GMDS: variants seen among roughly 807,000 people sequenced by gnomAD.
GMDS encodes GDP-mannose 4,6-dehydratase.
A neutral mutation model predicts 49.9 loss-of-function variants in GMDS; 20 were observed. That is an observed-to-expected ratio of 0.40 (90% CI 0.28 to 0.58). The LOEUF (loss-of-function observed/expected upper bound fraction) is 0.58, where lower values mean the gene tolerates loss of function less well. Ranked by LOEUF, GMDS falls within the 20% of genes least tolerant of loss-of-function variation. The pLI, the probability that GMDS is intolerant of heterozygous loss-of-function variation, is 0.42. For missense variants in GMDS, 362 were observed against 481.4 expected (o/e 0.75, Z 2.32); for synonymous variants, 177 against 178.6 (o/e 0.99, Z 0.07).
intron 9 of GMDS, among the ~76,000 whole-genome samples, chr6:1,632,194 G>A (rs1159386447): frequency 6.6e-6 from 1 of 152,140 alleles, no homozygotes; most frequent in Non-Finnish European, 1.5e-5. Context: ...CACTCAATAG[G>A]ACAAAACCCT....
At chr6:1,723,576 G>A (rs145755412) in intron 9 of GMDS, among the ~76,000 whole-genome samples, 4,114 of 137,544 alleles carry the variant, frequency 0.03, 178 homozygotes, top group Admixed American at 0.093. Flanking sequence ...TGATCCACCC[G>A]CCTCGGCCTC....
intron 4 of GMDS, among the ~76,000 whole-genome samples, chr6:1,963,897 C>T (rs1429426308): frequency 6.6e-6 from 1 of 152,138 alleles, no homozygotes; most frequent in Non-Finnish European, 1.5e-5. Flanking sequence ...TTGTAACAAT[C>T]CTAGGAGAAA....
At chr6:1,818,337 G>A (rs1245921310) in intron 7 of GMDS, among the ~76,000 whole-genome samples, 2 of 152,204 alleles carry the variant, frequency 1.3e-5, no homozygotes, top group African/African-American at 4.8e-5. Context: ...GCTGGGTGCA[G>A]TGGCTCATGC....
At chr6:2,144,862 C>A (rs1776475226) in intron 1 of GMDS, among the ~76,000 whole-genome samples, 1 of 152,144 alleles carries the variant, frequency 6.6e-6, no homozygotes, top group Non-Finnish European at 1.5e-5. Flanking sequence ...ACAATGAAGG[C>A]CTCTGGAAGG....
intron 4 of GMDS, among the ~76,000 whole-genome samples, chr6:2,000,009 T>TATATATA (rs1491273695): frequency 1.5e-3 from 9 of 6,050 alleles, no homozygotes; most frequent in Admixed American, 3.6e-3. Context: ...TATATATATA[T>TATATATA]TTTTTATATA....
At chr6:1,929,256 C>G (rs1762171760) in intron 7 of GMDS, among the ~76,000 whole-genome samples, 1 of 152,168 alleles carries the variant, frequency 6.6e-6, no homozygotes. Flanking sequence ...AGACATCATT[C>G]AGGACAGAAA....
chr6:1,649,792 C>T (rs1486007557), intron 9 of GMDS, among the ~76,000 whole-genome samples: 2 of 152,202 alleles, frequency 1.3e-5, no homozygotes, highest in African/African-American at 2.4e-5. Flanking sequence ...GACATTTTTA[C>T]TGCACTTCGA....
At chr6:1,666,055 C>T (rs1373957632) in intron 9 of GMDS, among the ~76,000 whole-genome samples, 1 of 152,096 alleles carries the variant, frequency 6.6e-6, no homozygotes, top group Non-Finnish European at 1.5e-5. Flanking sequence ...AGAGGAGTGA[C>T]AACGACACTT....
intron 9 of GMDS, among the ~76,000 whole-genome samples, chr6:1,710,694 C>T (rs575894873): frequency 6.6e-6 from 1 of 152,176 alleles, no homozygotes; most frequent in African/African-American, 2.4e-5. Context: ...ACATTTCTAT[C>T]ATCAATTTAA....
In GMDS at chr6:1,624,057, G is replaced by C. The variant is rs1762769367; in HGVS notation, c.*112C>G. 1.1e-6 allele frequency: 1 copy of C among 922,376 alleles called. No homozygotes were observed. The highest frequency in any genetic ancestry group is 1.6e-5 in the African/African-American group (1 of 61,990). The allele number at this position is 922,376 out of a possible 1,614,324, so 57.1% of individuals were successfully genotyped here. ...GCCGGGACAGCGCAGCGGCAGCAGG[G>C]GCCGCAGGGGACCCGCAGATTGGCA... On this transcript the variant is annotated 3_prime_UTR_variant, in exon 11 of 11. Coordinates refer to ENST00000380815, the MANE Select transcript of GMDS (RefSeq NM_001500.4).
intron 8 of GMDS, among the ~76,000 whole-genome samples, chr6:1,732,707 A>G (rs570554394): frequency 6.6e-6 from 1 of 152,332 alleles, no homozygotes; most frequent in Admixed American, 6.5e-5. Context: ...GAAAGGGCCC[A>G]CAGAGCACCC....
At chr6:2,044,693 C>T (rs192393814) in intron 4 of GMDS, among the ~76,000 whole-genome samples, 9 of 151,990 alleles carry the variant, frequency 5.9e-5, no homozygotes, top group African/African-American at 1.7e-4. Flanking sequence ...CAAACCTGCA[C>T]GTGTACCCCT....
chr6:1,739,108 G>A (rs1193100542), intron 8 of GMDS, among the ~76,000 whole-genome samples: 1 of 152,232 alleles, frequency 6.6e-6, no homozygotes, highest in Non-Finnish European at 1.5e-5. Context: ...GAAGACCTGG[G>A]TCTGTGTTCA....
At chr6:2,084,807 T>G (rs1478455045) in intron 4 of GMDS, among the ~76,000 whole-genome samples, 1 of 152,156 alleles carries the variant, frequency 6.6e-6, no homozygotes, top group African/African-American at 2.4e-5. Context: ...ATGCCCGGCC[T>G]AAATAAAACT....
At chr6:1,638,092 AC>A (rs1482745796) in intron 9 of GMDS, among the ~76,000 whole-genome samples, 1 of 152,210 alleles carries the variant, frequency 6.6e-6, no homozygotes, top group Non-Finnish European at 1.5e-5. Flanking sequence ...TTTGCCAACA[AC>A]ACGGACAGAA....
chr6:1,853,390 C>T (rs944375300), intron 7 of GMDS, among the ~76,000 whole-genome samples: 8 of 149,356 alleles, frequency 5.4e-5, no homozygotes, highest in East Asian at 2.0e-4. Context: ...TGGTAGCGGG[C>T]GCCTGTAGTC....
chr6:1,817,823 T>C (rs572654782), intron 7 of GMDS, among the ~76,000 whole-genome samples: 1 of 152,264 alleles, frequency 6.6e-6, no homozygotes, highest in East Asian at 1.9e-4. Context: ...GGTAAAAGCC[T>C]GGTTAACAGC....
intron 1 of GMDS, among the ~76,000 whole-genome samples, chr6:2,207,360 C>G (rs1216797854): frequency 6.6e-6 from 1 of 151,968 alleles, no homozygotes; most frequent in Non-Finnish European, 1.5e-5. Context: ...AAAGCACTGT[C>G]ACTTATGTTC....
chr6:1,766,555 T>A lies in GMDS; in HGVS notation c.772-23969A>T, dbSNP rs1466308108. ...ACTTTGAAAAGTGATTTCTCTCTTG[T>A]GTATGGCTCGGGAGGAGGGTCTAAG... On this transcript the variant is annotated intron_variant, in intron 7 of 10. Coordinates refer to ENST00000380815, the MANE Select transcript of GMDS (RefSeq NM_001500.4). The surrounding 1 kb of genome is among the most constrained non-coding windows in gnomAD (Gnocchi z 4.5). Among the ~76,000 whole-genome samples the A allele has an allele frequency of 6.6e-6, 1 of 152,180 alleles. No homozygotes were observed. The highest frequency in any genetic ancestry group is 1.9e-4 in the East Asian group (1 of 5,194).
Sources: gnomAD v4.1 joint callset for allele counts (sites outside exome capture counted in the v4.1 genomes callset) on GRCh38, gnomAD v4.1.1 for gene constraint, Gnocchi (gnomAD v3.1) non-coding constraint, MANE v1.5 for transcripts, NCBI Gene and HGNC (gene_info 2026-07-23, HGNC 2026-07-21) for gene names.